Variants in SCHIP1 observed in about 807,000 individuals in gnomAD.
The protein encoded by SCHIP1 is schwannomin interacting protein 1, also known as schwannomin-interacting protein 1.
Under a neutral mutation model 29.7 loss-of-function variants are expected in SCHIP1, and 8 were observed. That is an observed-to-expected ratio of 0.27 (90% CI 0.16 to 0.49). SCHIP1 has a LOEUF of 0.49. Ranked by LOEUF, SCHIP1 falls within the 20% of genes least tolerant of loss-of-function variation. The pLI, the probability that SCHIP1 is intolerant of heterozygous loss-of-function variation, is 0.99. For missense variants in SCHIP1, 193 were observed against 294.6 expected (o/e 0.66, Z 2.52); for synonymous variants, 76 against 94.9 (o/e 0.80, Z 1.16).
intron 2 of SCHIP1, among the ~76,000 whole-genome samples, chr3:159,878,773 G>A (rs866886790): frequency 2.2e-4 from 32 of 145,872 alleles, no homozygotes; most frequent in Admixed American, 1.2e-3. Flanking sequence ...GCGAGACTCC[G>A]TCTCAAAAAA....
At chr3:159,889,878 C>T (rs1167419078) in intron 5 of SCHIP1, among the ~76,000 whole-genome samples, 5 of 152,064 alleles carry the variant, frequency 3.3e-5, no homozygotes, top group South Asian at 2.1e-4. Context: ...GGGCAGATCA[C>T]GAGGTCAGGA....
At chr3:159,647,365 T>A in the SCHIP1 span, among the ~76,000 whole-genome samples, 1 of 151,702 alleles carries the variant, frequency 6.6e-6, no homozygotes, top group Non-Finnish European at 1.5e-5. Flanking sequence ...GGGAATGAGG[T>A]AGGGACCCAA....
At chr3:159,351,593 T>A in the SCHIP1 span, among the ~76,000 whole-genome samples, 1 of 152,122 alleles carries the variant, frequency 6.6e-6, no homozygotes, top group Non-Finnish European at 1.5e-5. Context: ...AAAATTTTTA[T>A]TTTAGTGCTG....
the SCHIP1 span, among the ~76,000 whole-genome samples, chr3:159,454,964 A>C: frequency 6.6e-6 from 1 of 152,230 alleles, no homozygotes; most frequent in Non-Finnish European, 1.5e-5. Context: ...GACTCACAAA[A>C]ATGTTTTTTA....
intron 1 of SCHIP1, among the ~76,000 whole-genome samples, chr3:159,865,051 T>C (rs1308511401): frequency 6.6e-6 from 1 of 152,184 alleles, no homozygotes; most frequent in African/African-American, 2.4e-5. Context: ...TGCATTTTTG[T>C]CATTGTGACA....
chr3:159,559,634 A>C, the SCHIP1 span, among the ~76,000 whole-genome samples: 1 of 152,176 alleles, frequency 6.6e-6, no homozygotes, highest in Admixed American at 6.5e-5. Flanking sequence ...AGAAATACAT[A>C]ATCAGTGTGA....
intron 2 of SCHIP1, among the ~76,000 whole-genome samples, chr3:159,882,024 C>T (rs1427495998): frequency 6.6e-6 from 1 of 152,214 alleles, no homozygotes; most frequent in Non-Finnish European, 1.5e-5. Flanking sequence ...ACTGGAATAC[C>T]ATCACTTCCT....
the SCHIP1 span, among the ~76,000 whole-genome samples, chr3:159,475,994 C>A: frequency 6.6e-6 from 1 of 152,128 alleles, no homozygotes; most frequent in East Asian, 1.9e-4. Context: ...CTGTGTAAAC[C>A]AGAAACCAGG....
chr3:159,567,913 G>A, the SCHIP1 span, among the ~76,000 whole-genome samples: 2 of 152,040 alleles, frequency 1.3e-5, no homozygotes, highest in South Asian at 2.1e-4. Context: ...TTATGATATC[G>A]AGTCTACTTA....
At chr3:159,889,238 C>T (rs370628175) in intron 5 of SCHIP1, among the ~76,000 whole-genome samples, 46 of 152,346 alleles carry the variant, frequency 3.0e-4, no homozygotes, top group African/African-American at 1.0e-3. Flanking sequence ...TTCTGGAACA[C>T]AGTTCAGTAG....
chr3:159,867,651 C>T (rs537249270), intron 2 of SCHIP1, among the ~76,000 whole-genome samples: 125 of 152,232 alleles, frequency 8.2e-4, no homozygotes, highest in Non-Finnish European at 1.4e-3. Context: ...GGTCAGCCCT[C>T]CTCTTTCCCT....
the SCHIP1 span, among the ~76,000 whole-genome samples, chr3:159,542,579 T>C: frequency 5.9e-5 from 9 of 152,192 alleles, no homozygotes; most frequent in African/African-American, 1.9e-4. Context: ...GGTATTCCAT[T>C]GTATGGATAT....
the SCHIP1 span, among the ~76,000 whole-genome samples, chr3:159,416,785 G>T: frequency 6.6e-6 from 1 of 152,212 alleles, no homozygotes; most frequent in African/African-American, 2.4e-5. Context: ...TGCATATGGT[G>T]TGGCTTTGTA....
At chr3:159,847,375 G>A (rs1271851255) in intron 1 of SCHIP1, among the ~76,000 whole-genome samples, 1 of 152,056 alleles carries the variant, frequency 6.6e-6, no homozygotes, top group Non-Finnish European at 1.5e-5. Context: ...CTATAACAAG[G>A]GAAAGTTTGA....
the SCHIP1 span, among the ~76,000 whole-genome samples, chr3:159,530,450 C>T: frequency 6.6e-6 from 1 of 151,856 alleles, no homozygotes; most frequent in African/African-American, 2.4e-5. Context: ...TGAGTGTCAG[C>T]CCCTCTTTCC....
At chr3:159,669,878 A>G in the SCHIP1 span, among the ~76,000 whole-genome samples, 1 of 152,184 alleles carries the variant, frequency 6.6e-6, no homozygotes, top group East Asian at 1.9e-4. Flanking sequence ...ATCGTTTTTC[A>G]AGTCAGAGCT....
the SCHIP1 span, among the ~76,000 whole-genome samples, chr3:159,433,843 A>G: frequency 6.6e-6 from 1 of 152,194 alleles, no homozygotes; most frequent in Admixed American, 6.6e-5. Flanking sequence ...TTGTGCAACA[A>G]GTAGGTGCCG....
chr3:159,384,321 G>A, the SCHIP1 span, among the ~76,000 whole-genome samples: 138 of 149,806 alleles, frequency 9.2e-4, no homozygotes, highest in Middle Eastern at 3.4e-3. Context: ...AGCATGAAGC[G>A]TTGTTGAATT....
At chr3:159,452,301 TC>T in the SCHIP1 span, among the ~76,000 whole-genome samples, 1 of 151,982 alleles carries the variant, frequency 6.6e-6, no homozygotes. Flanking sequence ...TCTCCCCTTG[TC>T]CCCCCATCCC....
Sources: allele counts gnomAD v4.1 joint callset (sites outside exome capture counted in the v4.1 genomes callset), GRCh38; gene constraint gnomAD v4.1.1; transcripts MANE v1.5; gene names NCBI Gene and HGNC (gene_info 2026-07-23, HGNC 2026-07-21).